CPS1: variants seen among roughly 807,000 people sequenced by gnomAD.
The protein encoded by CPS1 is carbamoyl-phosphate synthase 1.
CPS1 carries 109 observed loss-of-function variants against 174.6 expected under a neutral mutation model. The observed-to-expected ratio is 0.62, with a 90% confidence interval of 0.53 to 0.73. The LOEUF (loss-of-function observed/expected upper bound fraction) is 0.73, where lower values mean the gene tolerates loss of function less well. Ranked by LOEUF, CPS1 falls within the 30% of genes least tolerant of loss-of-function variation. CPS1 has a pLI of 0.00. For synonymous variants in CPS1, 637 were observed against 632.0 expected (o/e 1.01, Z -0.12); for missense variants, 1,689 against 1,821.9 (o/e 0.93, Z 1.33).
chr2:210,519,767 A>G, intron 1 of CPS1: 1 of 985,264 alleles, frequency 1.0e-6, no homozygotes, highest in South Asian at 4.7e-5. Context: ...CATTTTCCTG[A>G]TGAAAATGTT....
intron 1 of CPS1, among the ~76,000 whole-genome samples, chr2:210,488,670 C>A (rs1312913803): frequency 6.6e-6 from 1 of 152,178 alleles, no homozygotes; most frequent in Non-Finnish European, 1.5e-5. Context: ...AGTGACTGTA[C>A]AAATTCCACC....
chr2:210,674,356 C>T (rs181244014), intron 34 of CPS1: 4 of 153,106 alleles, frequency 2.6e-5, no homozygotes, highest in African/African-American at 9.7e-5. Flanking sequence ...GCCTGTAATC[C>T]CAGCTACTCG....
At chr2:210,614,274 A>AT (rs373329147) in intron 20 of CPS1, among the ~76,000 whole-genome samples, 91 of 146,956 alleles carry the variant, frequency 6.2e-4, no homozygotes, top group East Asian at 1.4e-3. Context: ...GAAATCATGG[A>AT]TTTTTTTTTT....
intron 1 of CPS1, among the ~76,000 whole-genome samples, chr2:210,484,715 C>G (rs1249959664): frequency 6.6e-6 from 1 of 152,158 alleles, no homozygotes. Flanking sequence ...TTACCCCTCC[C>G]TAAATTCTGT....
intron 21 of CPS1, among the ~76,000 whole-genome samples, chr2:210,636,522 G>A (rs1038707704): frequency 7.3e-5 from 11 of 151,688 alleles, no homozygotes; most frequent in Non-Finnish European, 4.4e-5. Flanking sequence ...GGTAGATTTG[G>A]GGAGTAATCT....
At chr2:210,513,509 G>A (rs1213642619) in intron 1 of CPS1, among the ~76,000 whole-genome samples, 1 of 151,726 alleles carries the variant, frequency 6.6e-6, no homozygotes, top group African/African-American at 2.4e-5. Flanking sequence ...GTCTGTCCAT[G>A]TCTGTTGCCT....
chr2:210,484,556 C>G (rs1694663660), intron 1 of CPS1, among the ~76,000 whole-genome samples: 1 of 152,108 alleles, frequency 6.6e-6, no homozygotes, highest in Admixed American at 6.5e-5. Flanking sequence ...ATCTGAGTTC[C>G]TTTCTCAGGA....
At chr2:210,495,623 G>T (rs940652137) in intron 1 of CPS1, among the ~76,000 whole-genome samples, 16 of 152,128 alleles carry the variant, frequency 1.1e-4, no homozygotes, top group Non-Finnish European at 2.2e-4. Flanking sequence ...TGAGGAAAAT[G>T]TCATTTAATC....
At chr2:210,675,032 A>G (rs1701476819) in intron 35 of CPS1, 71 bp downstream of exon 35, 9 of 1,257,008 alleles carry the variant, frequency 7.2e-6, no homozygotes, top group Non-Finnish European at 1.1e-5. Context: ...ATTGCAGAAT[A>G]TTGGAAAAGA....
intron 2 of CPS1, 71 bp downstream of exon 2, chr2:210,573,478 G>A (rs1697585079): frequency 8.3e-7 from 1 of 1,203,534 alleles, no homozygotes; most frequent in South Asian, 1.2e-5. Context: ...CACTCATGGT[G>A]GTAAGTTGAA....
chr2:210,633,336 TATCA>T (rs1699929571), intron 21 of CPS1, among the ~76,000 whole-genome samples: 2 of 152,180 alleles, frequency 1.3e-5, no homozygotes, highest in Admixed American at 6.5e-5. Context: ...GGCCAATTCT[TATCA>T]ATCAACCTTT....
At chr2:210,526,750 T>A (rs548267041) in intron 1 of CPS1, among the ~76,000 whole-genome samples, 2 of 151,936 alleles carry the variant, frequency 1.3e-5, no homozygotes, top group Non-Finnish European at 2.9e-5. Flanking sequence ...AGAATGAAGC[T>A]GAATTAAGGA....
intron 1 of CPS1, among the ~76,000 whole-genome samples, chr2:210,537,016 A>G (rs961484992): frequency 6.6e-6 from 1 of 152,228 alleles, no homozygotes; most frequent in African/African-American, 2.4e-5. Context: ...CCAGAAAACC[A>G]AAAAGATATA....
intron 1 of CPS1, among the ~76,000 whole-genome samples, chr2:210,503,990 C>G (rs1463324344): frequency 6.6e-6 from 1 of 152,128 alleles, no homozygotes. Flanking sequence ...TGCCTCTTTC[C>G]CCTGGGCTGT....
chr2:210,625,856 C>T (rs1350957137), intron 21 of CPS1, among the ~76,000 whole-genome samples: 1 of 151,914 alleles, frequency 6.6e-6, no homozygotes, highest in Non-Finnish European at 1.5e-5. Context: ...GCTCTTTATC[C>T]TATTTATGCT....
chr2:210,551,640 G>A (rs1298201901), upstream of CPS1, among the ~76,000 whole-genome samples: 1 of 151,712 alleles, frequency 6.6e-6, no homozygotes, highest in African/African-American at 2.4e-5. Context: ...AATTTTACAA[G>A]GTCTCTTTTC....
chr2:210,659,566 A>G (rs1700845085), intron 31 of CPS1, among the ~76,000 whole-genome samples: 1 of 152,138 alleles, frequency 6.6e-6, no homozygotes, highest in African/African-American at 2.4e-5. Flanking sequence ...CCAAATTTCA[A>G]CATGAGTTTT....
intron 32 of CPS1, among the ~76,000 whole-genome samples, chr2:210,660,915 T>TAAAA (rs1264298868): frequency 6.6e-6 from 1 of 152,224 alleles, no homozygotes; most frequent in Non-Finnish European, 1.5e-5. Flanking sequence ...ATAAGCTTTT[T>TAAAA]GTGCAGCTGA....
In CPS1 at chr2:210,663,007, A is replaced by G. The variant is rs1045094365; in HGVS notation, c.3928-116A>G. On this transcript the variant is annotated intron_variant, in intron 32 of 37. Transcript: ENST00000233072. ...GACCCAAGAGATTTTTTACATGTCT[A>G]CTGTAGCCTAAGTGAACTCTGTGAG... 28 of 988,854 alleles carry G rather than the reference A, an allele frequency of 2.8e-5. No individual in the cohort carries two copies. In the Admixed American group the frequency reaches 3.4e-4, roughly 12 times the overall value. 61.3% of individuals were successfully genotyped at this position (988,854 alleles called of 1,614,324 possible).
Sources: gnomAD v4.1 joint callset for allele counts (sites outside exome capture counted in the v4.1 genomes callset) on GRCh38, gnomAD v4.1.1 for gene constraint, MANE v1.5 for transcripts, NCBI Gene and HGNC (gene_info 2026-07-23, HGNC 2026-07-21) for gene names.